The following CELSR1 variants were observed in gnomAD, a reference collection of about 807,000 sequenced individuals.
The protein encoded by CELSR1 is adhesion G protein-coupled receptor C1.
Under a neutral mutation model 249.1 loss-of-function variants are expected in CELSR1, and 110 were observed. The ratio of observed to expected loss-of-function variants is 0.44; its 90% CI spans 0.38 to 0.52. CELSR1 has a LOEUF of 0.52. Among genes scored for constraint, CELSR1 ranks in the 20% least tolerant of loss-of-function variants. The pLI is 0.00. For missense variants in CELSR1, 4,109 were observed against 4,296.4 expected, an observed-to-expected ratio of 0.96 and a Z score of 1.22; for synonymous variants, 2,113 against 1,900.0, an observed-to-expected ratio of 1.11 and a Z score of -2.92.
In CELSR1 at chr22:46,417,949, G is replaced by T. The variant is rs986913845; in HGVS notation, c.4612-6190C>A. 6.6e-6 allele frequency among the ~76,000 whole-genome samples: 1 copy of T among 152,158 alleles called. No homozygotes were observed. Among genetic ancestry groups the T allele is most frequent in the Non-Finnish European group, 1.5e-5 (1 of 68,040 alleles). On this transcript the variant is annotated intron_variant, in intron 5 of 34. Coordinates refer to ENST00000674500, the MANE Select transcript of CELSR1 (RefSeq NM_001378328.1). The surrounding 1 kb of genome is among the most constrained non-coding windows in gnomAD (Gnocchi z 4.1). Reference sequence around the variant, plus strand: ...TGGACATCACCTCCTTAAAGCCAAGGGTCCATATCCTGCCCCTACTTGGGA... The same window carrying T: ...TGGACATCACCTCCTTAAAGCCAAGTGTCCATATCCTGCCCCTACTTGGGA...
chr22:46,515,645 G>A (rs1054399340), intron 1 of CELSR1, among the ~76,000 whole-genome samples: 2 of 152,172 alleles, frequency 1.3e-5, no homozygotes, highest in African/African-American at 4.8e-5. Flanking sequence ...GGACTCAAAG[G>A]CACAGAGGCT....
At chr22:46,513,139 G>C (rs2080590720) in intron 1 of CELSR1, among the ~76,000 whole-genome samples, 1 of 152,144 alleles carries the variant, frequency 6.6e-6, no homozygotes, top group Non-Finnish European at 1.5e-5. Context: ...AAAATCACGC[G>C]ACTGGGGACA....
chr22:46,395,859 G>A lies in CELSR1; in HGVS notation c.5843+746C>T, dbSNP rs1363469201. 3.9e-5 allele frequency among the ~76,000 whole-genome samples: 6 copies of A among 152,316 alleles called. No individual in the cohort carries two copies. Among genetic ancestry groups the A allele is most frequent in the African/African-American group, 4.8e-5 (2 of 41,564 alleles). On this transcript the variant is annotated intron_variant, in intron 13 of 34. Coordinates refer to ENST00000674500, the MANE Select transcript of CELSR1 (RefSeq NM_001378328.1). This position sits in a 1 kb window ranked among gnomAD's most constrained non-coding sequence, Gnocchi z 5.5. The stretch of plus-strand genomic sequence containing the variant: ...TACGCACCTGTACCCAGCGATCCCC[G>A]TGCAAAGGGTACAGAGCCCAGAGCC...
In CELSR1 at chr22:46,410,075, C is replaced by T. The variant is rs9627449; in HGVS notation, c.4934-195G>A. 0.079 allele frequency among the ~76,000 whole-genome samples: 12,085 copies of T among 152,286 alleles called. 623 individuals are homozygous for T. Among genetic ancestry groups the T allele is most frequent in the African/African-American group, 0.15 (6,108 of 41,550 alleles). On this transcript the variant is annotated intron_variant, in intron 7 of 34. Transcript: ENST00000674500. The surrounding 1 kb of genome is among the most constrained non-coding windows in gnomAD (Gnocchi z 6.8). ...TGAACGCACTGACCACATTTGGAGA[C>T]GCTGGGACGCCAGGCCATCACGGCA... is the stretch of plus-strand genomic sequence containing the variant.
rs577755672 is a variant in CELSR1, at chr22:46,410,629, G to A, written c.4770-68C>T. ...AGGCGGCCACGGCGGGCTGGGCTCC[G>A]CAGTTGCCTCTGTGTAGCCTCTACC... On this transcript the variant is annotated intron_variant, in intron 6 of 34. Coordinates refer to ENST00000674500, the MANE Select transcript of CELSR1 (RefSeq NM_001378328.1). This position sits in a 1 kb window ranked among gnomAD's most constrained non-coding sequence, Gnocchi z 6.8. 6.0e-5 allele frequency: 93 copies of A among 1,542,640 alleles called. No homozygotes were observed. The African/African-American group carries it at 8.8e-4, about 15-fold the overall frequency.
chr22:46,438,355 G>A (rs2079691703), intron 3 of CELSR1, among the ~76,000 whole-genome samples: 1 of 152,086 alleles, frequency 6.6e-6, no homozygotes, highest in African/African-American at 2.4e-5. Flanking sequence ...AAGCAGCTAG[G>A]CGCCCCCCAA....
chr22:46,368,294 G>A (rs1185259986), intron 27 of CELSR1, among the ~76,000 whole-genome samples: 5 of 152,054 alleles, frequency 3.3e-5, no homozygotes, highest in Admixed American at 1.3e-4. Flanking sequence ...AGACAAAGGC[G>A]CATCCCCTCC....
intron 18 of CELSR1, among the ~76,000 whole-genome samples, chr22:46,388,348 T>TA (rs887827162): frequency 5.6e-4 from 80 of 143,454 alleles, no homozygotes; most frequent in East Asian, 1.4e-3. Context: ...GACCCCATCT[T>TA]AAAAAAAAAA....
intron 1 of CELSR1, among the ~76,000 whole-genome samples, chr22:46,531,988 C>A: frequency 6.6e-6 from 1 of 152,250 alleles, no homozygotes; most frequent in African/African-American, 2.4e-5. Context: ...AGCCCCCAGC[C>A]CATTTTCAAC....
Position 46,534,892 on chromosome 22 carries a change from A to G in CELSR1, c.2279T>C (p.Leu760Pro), listed in dbSNP as rs755574972. The G allele has an allele frequency of 6.2e-7, 1 of 1,612,622 alleles. No homozygotes were observed. Among genetic ancestry groups the G allele is most frequent in the East Asian group, 2.2e-5 (1 of 44,864 alleles). The change falls in exon 1 of 35, where the codon CTG (leucine) becomes CCG (proline). Residue 760 changes from leucine to proline, a missense_variant. Transcript: ENST00000674500. This position sits in a 1 kb window ranked among gnomAD's most constrained non-coding sequence, Gnocchi z 9.7. ...LDYKQEQQYV[L>P]AVTASDGTRS... ...TGTGCCGTCGGATGCTGTCACCGCC[A>G]GCACGTACTGCTGCTCCTGCTTGTA...
Position 46,412,910 on chromosome 22 carries a change from G to C in CELSR1, c.4612-1151C>G, listed in dbSNP as rs1485048525. Among the ~76,000 whole-genome samples, 1 of 152,210 alleles carries C rather than the reference G, an allele frequency of 6.6e-6. No homozygotes were observed. The highest frequency in any genetic ancestry group is 1.5e-5 in the Non-Finnish European group (1 of 68,036). ...GTGACGATGAGCCAGGAGATCGCCA[G>C]GCAAGTGCCACCATGCCCCACAATT... is the stretch of plus-strand genomic sequence containing the variant. On this transcript the variant is annotated intron_variant, in intron 5 of 34. Transcript: ENST00000674500. This position sits in a 1 kb window ranked among gnomAD's most constrained non-coding sequence, Gnocchi z 4.5.
In CELSR1 at chr22:46,361,825, G is replaced by C. The variant is rs1169493734; in HGVS notation, c.*1398C>G. 2.0e-5 allele frequency: 3 copies of C among 152,230 alleles called. No individual in the cohort carries two copies. The highest frequency in any genetic ancestry group is 4.4e-5 in the Non-Finnish European group (3 of 68,046). The allele number at this position is 152,230 out of a possible 1,614,324, so 9.4% of individuals were successfully genotyped here. On this transcript the variant is annotated 3_prime_UTR_variant, in exon 35 of 35. Transcript: ENST00000674500. ...CACTTATTTGGGCACCTGATTTGAA[G>C]AACAAAGGAAACGCTAAAATCAAAC...
At position 46,445,150 on chromosome 22, in the gene CELSR1, C is replaced by T. The variant is rs1004653093; in HGVS notation, c.4184-5739G>A. On this transcript the variant is annotated intron_variant, in intron 2 of 34. Transcript: ENST00000674500. This position sits in a 1 kb window ranked among gnomAD's most constrained non-coding sequence, Gnocchi z 4.4. The stretch of plus-strand genomic sequence containing the variant: ...GGCGGAGTTTGCAGTGAGCCAAGAT[C>T]ACACCACCATAGTCCAGTCTGGGTG... Among the ~76,000 whole-genome samples, 1 of 151,076 alleles carries T rather than the reference C, an allele frequency of 6.6e-6. No homozygotes were observed. Among genetic ancestry groups the T allele is most frequent in the African/African-American group, 2.4e-5 (1 of 40,976 alleles).
intron 1 of CELSR1, among the ~76,000 whole-genome samples, chr22:46,482,262 G>A (rs918650530): frequency 6.6e-6 from 1 of 152,176 alleles, no homozygotes; most frequent in Non-Finnish European, 1.5e-5. Context: ...GGTGGCCACA[G>A]GATCCTTAAA....
Position 46,397,840 on chromosome 22 carries a change from C to T in CELSR1, c.5535G>A (p.Arg1845=). Reference sequence around the variant, plus strand: ...CGACGTTGGTGGGCGTCCCCCCCATCCTCACTCCCTGCATTAAGTAAACGG... The same window carrying T: ...CGACGTTGGTGGGCGTCCCCCCCATTCTCACTCCCTGCATTAAGTAAACGG... ...RGFRGCMQGV[R]MGGTPTNVAT... The change falls in exon 12 of 35, where the codon AGG becomes AGA. Residue 1845 remains arginine (R), a synonymous_variant. Transcript: ENST00000674500. 1 of 1,570,082 alleles carries T rather than the reference C, an allele frequency of 6.4e-7. No individual in the cohort carries two copies.
intron 22 of CELSR1, 59 bp from the exon 23 acceptor site, chr22:46,378,776 T>C (rs55896501): frequency 0.059 from 92,484 of 1,569,208 alleles, 3,454 homozygotes; most frequent in African/African-American, 0.17. Context: ...CATGAGTCTG[T>C]AAAGGGCAGC....
Position 46,385,940 on chromosome 22 carries a change from T to G in CELSR1, c.6739+462A>C, listed in dbSNP as rs575885443. On this transcript the variant is annotated intron_variant, in intron 19 of 34. Transcript: ENST00000674500. ...GATCCGCCCACCTTGGCCTCCCAAA[T>G]TGCTGGGATTACAGGCGTGAGCCAC... Among the ~76,000 whole-genome samples, 621 of 150,226 alleles carry G rather than the reference T, an allele frequency of 4.1e-3. 4 individuals carry two copies. Among genetic ancestry groups the G allele is most frequent in the African/African-American group, 0.014 (552 of 40,112 alleles).
rs1477060671 is a variant in CELSR1 at position 46,362,834 on chromosome 22, C to CCCG, written c.*388_*389insCGG. On this transcript the variant is annotated 3_prime_UTR_variant, in exon 35 of 35. Transcript: ENST00000674500. ...GATGCCCGCCTGGGCGGGGCTGGACCGCGGTCTTTGGTCTGTGCCCGGCGT... is the reference window on the plus strand; with the variant it reads ...GATGCCCGCCTGGGCGGGGCTGGACCCCGGCGGTCTTTGGTCTGTGCCCGGCGT... 3.0e-6 allele frequency: 1 copy of CCCG among 333,352 alleles called. No individual in the cohort carries two copies. The highest frequency in any genetic ancestry group is 5.5e-6 in the Non-Finnish European group (1 of 180,896). The allele number at this position is 333,352 out of a possible 1,614,324, so 20.6% of individuals were successfully genotyped here. A position where few individuals can be genotyped will look rare whatever the true frequency, so the allele number is the denominator to read the frequency against.
At position 46,365,396 on chromosome 22, in the gene CELSR1, G is replaced by T; in HGVS notation, c.8405-16C>A. The T allele has an allele frequency of 1.9e-6, 3 of 1,611,618 alleles. No individual in the cohort carries two copies. The highest frequency in any genetic ancestry group is 2.5e-6 in the Non-Finnish European group (3 of 1,179,638). ...GAATCGTGGCCTGTGGATGCGCGGG[G>T]GACAGGGAGGCTCAGGCCCTGGGAG... On this transcript the variant is annotated splice_polypyrimidine_tract_variant and intron_variant, in intron 31 of 34. Coordinates refer to ENST00000674500, the MANE Select transcript of CELSR1 (RefSeq NM_001378328.1).
Sources: allele counts gnomAD v4.1 joint callset (sites outside exome capture counted in the v4.1 genomes callset), GRCh38; gene constraint gnomAD v4.1.1; non-coding constraint Gnocchi (gnomAD v3.1); transcripts MANE v1.5; gene names NCBI Gene and HGNC (gene_info 2026-07-23, HGNC 2026-07-21).